The following CCDC149 variants were observed in gnomAD, a reference collection of about 807,000 sequenced individuals.
CCDC149 encodes the protein coiled-coil domain-containing protein 149.
CCDC149 carries 45 observed loss-of-function variants against 59.9 expected under a neutral mutation model. That is an observed-to-expected ratio of 0.75 (90% CI 0.59 to 0.96). The LOEUF is 0.96. Among genes scored for constraint, CCDC149 ranks in the 40% least tolerant of loss-of-function variants. The pLI is 0.00. For synonymous variants in CCDC149, 245 were observed against 260.6 expected (o/e 0.94, Z 0.58); for missense variants, 584 against 664.7 (o/e 0.88, Z 1.33).
At chr4:24,867,608 C>T (rs1718780034) in intron 3 of CCDC149, among the ~76,000 whole-genome samples, 1 of 152,208 alleles carries the variant, frequency 6.6e-6, no homozygotes, top group Non-Finnish European at 1.5e-5. Context: ...CACCAAGGAT[C>T]TATAGAATGG....
chr4:24,956,716 A>T (rs1165964170), intron 1 of CCDC149, among the ~76,000 whole-genome samples: 1 of 152,242 alleles, frequency 6.6e-6, no homozygotes, highest in African/African-American at 2.4e-5. Context: ...GCAGGCCATG[A>T]CATTTCATCC....
chr4:24,955,365 G>A (rs1723435870), intron 1 of CCDC149, among the ~76,000 whole-genome samples: 1 of 152,172 alleles, frequency 6.6e-6, no homozygotes, highest in African/African-American at 2.4e-5. Flanking sequence ...TCAAGGCCTA[G>A]TCACTTCTTG....
chr4:24,961,918 A>G (rs1362855618), intron 1 of CCDC149, among the ~76,000 whole-genome samples: 1 of 152,010 alleles, frequency 6.6e-6, no homozygotes, highest in Non-Finnish European at 1.5e-5. Context: ...TTCATGTCTA[A>G]AACACCAAAA....
At chr4:24,890,927 T>A (rs1720487551) in intron 1 of CCDC149, among the ~76,000 whole-genome samples, 1 of 152,224 alleles carries the variant, frequency 6.6e-6, no homozygotes, top group Admixed American at 6.5e-5. Context: ...ATCAACACAG[T>A]CTTTCTCTCT....
intron 7 of CCDC149, 64 bp from the exon 8 acceptor site, chr4:24,835,096 C>A (rs866125201): frequency 2.7e-6 from 3 of 1,109,316 alleles, no homozygotes; most frequent in South Asian, 1.3e-5. Context: ...AAGTACCTAG[C>A]AGATGCCTTC....
chr4:24,804,383 C>T (rs1435249417), downstream of CCDC149, among the ~76,000 whole-genome samples: 1 of 148,852 alleles, frequency 6.7e-6, no homozygotes, highest in East Asian at 2.0e-4. Flanking sequence ...CCCAGTTACT[C>T]GGGAGGCTGA....
In CCDC149 at chr4:24,806,905, G is replaced by C. The variant is rs1043428481; in HGVS notation, c.*1484C>G. On this transcript the variant is annotated 3_prime_UTR_variant, in exon 13 of 13. Coordinates refer to ENST00000635206, the MANE Select transcript of CCDC149 (RefSeq NM_001330643.2). ...ACTTTGAGGAGGAGCAGCATAGTAA[G>C]GGATGGGGCGCCCATTCTGCTAGCA... The C allele has an allele frequency of 2.0e-5, 3 of 153,124 alleles. No individual in the cohort carries two copies. Among genetic ancestry groups the C allele is most frequent in the African/African-American group, 2.4e-5 (1 of 41,444 alleles). The allele number at this position is 153,124 out of a possible 1,614,324, so 9.5% of individuals were successfully genotyped here.
At chr4:24,859,029 T>C (rs138496729) in intron 3 of CCDC149, among the ~76,000 whole-genome samples, 2 of 152,356 alleles carry the variant, frequency 1.3e-5, no homozygotes, top group East Asian at 1.9e-4. Flanking sequence ...ACATGTTTTT[T>C]AAACTTATAA....
At chr4:24,899,904 C>G (rs545757286) in intron 1 of CCDC149, among the ~76,000 whole-genome samples, 1 of 152,314 alleles carries the variant, frequency 6.6e-6, no homozygotes, top group East Asian at 1.9e-4. Flanking sequence ...ACCAGATGAT[C>G]TGAGATTTCC....
intron 1 of CCDC149, among the ~76,000 whole-genome samples, chr4:24,960,082 CAT>C (rs1412253150): frequency 5.3e-5 from 8 of 152,184 alleles, no homozygotes; most frequent in African/African-American, 1.9e-4. Context: ...GAGTTTATAA[CAT>C]ATGTAAAAGT....
intron 1 of CCDC149, among the ~76,000 whole-genome samples, chr4:24,876,946 CATAAATG>C (rs907032381): frequency 6.6e-6 from 1 of 152,032 alleles, no homozygotes; most frequent in African/African-American, 2.4e-5. Flanking sequence ...TAAAAAGTTG[CATAAATG>C]GGTAAACAGG....
intron 1 of CCDC149, among the ~76,000 whole-genome samples, chr4:24,920,756 T>C (rs1267697418): frequency 6.6e-6 from 1 of 152,230 alleles, no homozygotes; most frequent in Admixed American, 6.5e-5. Flanking sequence ...AAAAAATATA[T>C]ATTACACAAG....
chr4:24,966,164 G>C (rs1560271961), intron 1 of CCDC149, among the ~76,000 whole-genome samples: 1 of 152,142 alleles, frequency 6.6e-6, no homozygotes, highest in Non-Finnish European at 1.5e-5. Context: ...GTTGGCACAA[G>C]GGCAACGTGA....
intron 1 of CCDC149, among the ~76,000 whole-genome samples, chr4:24,945,824 G>T (rs190233919): frequency 1.3e-4 from 20 of 152,144 alleles, no homozygotes; most frequent in African/African-American, 4.8e-4. Flanking sequence ...GTTTCACCAT[G>T]TTGGCCAGAC....
At chr4:24,855,663 AT>A (rs1717960943) in intron 3 of CCDC149, among the ~76,000 whole-genome samples, 1 of 151,892 alleles carries the variant, frequency 6.6e-6, no homozygotes, top group Non-Finnish European at 1.5e-5. Context: ...CTACTCACTT[AT>A]TTGAGAACAT....
chr4:24,839,724 C>A (rs1716819108), intron 4 of CCDC149, among the ~76,000 whole-genome samples: 1 of 152,192 alleles, frequency 6.6e-6, no homozygotes, highest in African/African-American at 2.4e-5. Flanking sequence ...GGTCTCAGAG[C>A]ATCCCCTATC....
intron 1 of CCDC149, among the ~76,000 whole-genome samples, chr4:24,900,852 AG>A (rs1721123868): frequency 6.6e-6 from 1 of 152,168 alleles, no homozygotes; most frequent in Non-Finnish European, 1.5e-5. Flanking sequence ...GGATGAGGTC[AG>A]GGTGTGAGAT....
At chr4:24,963,601 TC>T (rs900778472) in intron 1 of CCDC149, among the ~76,000 whole-genome samples, 8 of 152,134 alleles carry the variant, frequency 5.3e-5, no homozygotes, top group African/African-American at 1.9e-4. Context: ...TCCCACTCAC[TC>T]AATGGCAACA....
intron 3 of CCDC149, among the ~76,000 whole-genome samples, chr4:24,864,609 G>A (rs1038262734): frequency 2.0e-5 from 3 of 152,124 alleles, no homozygotes; most frequent in African/African-American, 7.2e-5. Flanking sequence ...AAAAACTCCG[G>A]TCTCCCGTTC....
Sources: allele counts gnomAD v4.1 joint callset (sites outside exome capture counted in the v4.1 genomes callset), GRCh38; gene constraint gnomAD v4.1.1; transcripts MANE v1.5; gene names NCBI Gene and HGNC (gene_info 2026-07-23, HGNC 2026-07-21).